Variants in BMPR1A observed in about 807,000 individuals in gnomAD.
BMPR1A encodes bone morphogenetic protein receptor type 1A, also known as bone morphogenetic protein receptor type-1A.
Under a neutral mutation model 66.0 loss-of-function variants are expected in BMPR1A, and 7 were observed. The ratio of observed to expected loss-of-function variants is 0.11; its 90% CI spans 0.06 to 0.20. BMPR1A has a LOEUF of 0.20. BMPR1A is among the 10% of genes least tolerant of loss of function. BMPR1A has a pLI of 1.00. For missense variants in BMPR1A, 408 were observed against 669.1 expected (o/e 0.61, Z 4.31); for synonymous variants, 200 against 229.7 (o/e 0.87, Z 1.17).
chr10:86,862,832 C>T (rs1842730380), intron 2 of BMPR1A, among the ~76,000 whole-genome samples: 1 of 151,812 alleles, frequency 6.6e-6, no homozygotes, highest in Non-Finnish European at 1.5e-5. Flanking sequence ...TAAGATTTTA[C>T]ACCAAGTAAA....
chr10:86,774,809 A>G (rs963974574), intron 1 of BMPR1A, among the ~76,000 whole-genome samples: 2 of 152,254 alleles, frequency 1.3e-5, no homozygotes, highest in African/African-American at 4.8e-5. Flanking sequence ...AAATAAATCT[A>G]AGGAGGAAAA....
chr10:86,760,236 C>CTT (rs1841025275), intron 1 of BMPR1A, among the ~76,000 whole-genome samples: 3 of 20,056 alleles, frequency 1.5e-4, no homozygotes, highest in African/African-American at 2.1e-4. Context: ...TTCTTTCTTT[C>CTT]TTTCTTTCTT....
intron 1 of BMPR1A, among the ~76,000 whole-genome samples, chr10:86,823,807 A>G (rs551440865): frequency 6.6e-6 from 1 of 152,268 alleles, no homozygotes; most frequent in Admixed American, 6.5e-5. Context: ...GTGAACTTGC[A>G]CTACTCCCTC....
At chr10:86,844,886 C>T (rs1465658031) in intron 2 of BMPR1A, among the ~76,000 whole-genome samples, 2 of 152,170 alleles carry the variant, frequency 1.3e-5, no homozygotes, top group African/African-American at 2.4e-5. Context: ...AAGTGGTTCT[C>T]CTGCCTCAGC....
intron 3 of BMPR1A, among the ~76,000 whole-genome samples, chr10:86,880,160 G>C (rs1842969248): frequency 6.6e-6 from 1 of 152,182 alleles, no homozygotes; most frequent in Non-Finnish European, 1.5e-5. Flanking sequence ...TGGAAGTACA[G>C]TTCCTGTAAA....
intron 2 of BMPR1A, among the ~76,000 whole-genome samples, chr10:86,870,602 T>C (rs1842843141): frequency 6.6e-6 from 1 of 151,992 alleles, no homozygotes; most frequent in Non-Finnish European, 1.5e-5. Context: ...TTTTTAAGTT[T>C]TTTGTACAGA....
chr10:86,870,691 T>C (rs556858440), intron 2 of BMPR1A, among the ~76,000 whole-genome samples: 59 of 152,252 alleles, frequency 3.9e-4, no homozygotes, highest in Non-Finnish European at 7.8e-4. Context: ...TCCAAAGTGC[T>C]GAGATTACAG....
intron 1 of BMPR1A, among the ~76,000 whole-genome samples, chr10:86,809,730 A>G (rs1040686453): frequency 1.1e-4 from 17 of 151,368 alleles, no homozygotes; most frequent in African/African-American, 3.9e-4. Context: ...GGTGTGAGCC[A>G]GGACGCCTAC....
chr10:86,884,274 C>G (rs1482764295), intron 3 of BMPR1A, among the ~76,000 whole-genome samples: 2 of 151,604 alleles, frequency 1.3e-5, no homozygotes, highest in African/African-American at 2.4e-5. Context: ...TTTGTAGAGA[C>G]CAGGTCTCAG....
At chr10:86,830,604 G>A (rs1325789757) in intron 1 of BMPR1A, among the ~76,000 whole-genome samples, 3 of 152,022 alleles carry the variant, frequency 2.0e-5, no homozygotes, top group Non-Finnish European at 2.9e-5. Flanking sequence ...CTTTTCATGC[G>A]CGTATTTGCC....
At chr10:86,871,131 CCTGA>C (rs1234701753) in intron 2 of BMPR1A, among the ~76,000 whole-genome samples, 1 of 152,298 alleles carries the variant, frequency 6.6e-6, no homozygotes, top group South Asian at 2.1e-4. Flanking sequence ...TCTTTCTTTG[CCTGA>C]CTGACTCTAT....
chr10:86,875,964 G>T lies in BMPR1A; in HGVS notation c.-55G>T. Reference sequence around the variant, plus strand: ...AATGATAGTCATTTAAATTGGTGAAGTAGCAAGACCAATTATTAAAGGTGA... The same window carrying T: ...AATGATAGTCATTTAAATTGGTGAATTAGCAAGACCAATTATTAAAGGTGA... On this transcript the variant is annotated 5_prime_UTR_variant, in exon 3 of 13. Coordinates refer to ENST00000372037, the MANE Select transcript of BMPR1A (RefSeq NM_004329.3). The T allele has an allele frequency of 1.4e-6, 2 of 1,418,486 alleles. No individual in the cohort carries two copies. The highest frequency in any genetic ancestry group is 9.9e-7 in the Non-Finnish European group (1 of 1,006,166). The allele number at this position is 1,418,486 out of a possible 1,614,324, so 87.9% of individuals were successfully genotyped here.
chr10:86,921,398 A>G (rs979744966), intron 10 of BMPR1A, 122 bp from the exon 11 acceptor site: 4 of 1,305,336 alleles, frequency 3.1e-6, no homozygotes, highest in Admixed American at 2.0e-5. Context: ...GAAAAATGCT[A>G]AATTCCACAA....
rs1384576414 is a variant in BMPR1A at position 86,794,381 on chromosome 10, T to TC, written c.-268+37462_-268+37463insC. On this transcript the variant is annotated intron_variant, in intron 1 of 12. Coordinates refer to ENST00000372037, the MANE Select transcript of BMPR1A (RefSeq NM_004329.3). ...TGTTTCTTCTTTGGTGAAATCAAGATAGTAATGCTTGTCTGTATGTACTGA... is the reference window on the plus strand; with the variant it reads ...TGTTTCTTCTTTGGTGAAATCAAGATCAGTAATGCTTGTCTGTATGTACTGA... Among the ~76,000 whole-genome samples the TC allele has an allele frequency of 8.8e-3, 1,344 of 152,296 alleles. 22 individuals are homozygous for TC. Among genetic ancestry groups the TC allele is most frequent in the African/African-American group, 0.03 (1,229 of 41,552 alleles).
chr10:86,871,211 AG>A (rs1474513164), intron 2 of BMPR1A, among the ~76,000 whole-genome samples: 1 of 152,276 alleles, frequency 6.6e-6, no homozygotes, highest in African/African-American at 2.4e-5. Flanking sequence ...TCTAGATTAG[AG>A]GGGGGTCACT....
In BMPR1A at chr10:86,791,423, A is replaced by T. The variant is rs527574974; in HGVS notation, c.-268+34504A>T. ...GAGACGGGGTTTCACCATGTTGGCC[A>T]GGCTGGTCTCAATCTCCTCACCTCG... On this transcript the variant is annotated intron_variant, in intron 1 of 12. Transcript: ENST00000372037. 1.2e-4 allele frequency among the ~76,000 whole-genome samples: 19 copies of T among 152,062 alleles called. No individual in the cohort carries two copies. In the East Asian group the frequency reaches 3.5e-3, roughly 28 times the overall value.
At chr10:86,812,537 T>C (rs1305760637) in intron 1 of BMPR1A, among the ~76,000 whole-genome samples, 1 of 152,234 alleles carries the variant, frequency 6.6e-6, no homozygotes, top group African/African-American at 2.4e-5. Flanking sequence ...TACCTAGGAA[T>C]GGGATTACCA....
intron 3 of BMPR1A, among the ~76,000 whole-genome samples, chr10:86,878,565 T>C (rs1345619690): frequency 6.6e-6 from 1 of 152,206 alleles, no homozygotes; most frequent in Non-Finnish European, 1.5e-5. Flanking sequence ...TTGCTGTACA[T>C]TCAGTTATTG....
In BMPR1A at chr10:86,900,071, T is replaced by C. The variant is rs767157505; in HGVS notation, c.475T>C (p.Ser159Pro). The C allele has an allele frequency of 6.2e-7, 1 of 1,614,178 alleles. No individual in the cohort carries two copies. The highest frequency in any genetic ancestry group is 1.1e-5 in the South Asian group (1 of 91,088). The change falls in exon 7 of 13, where the codon TCT becomes CCT. Residue 159 changes from serine to proline, a missense_variant. By Grantham distance (74) the Ser-to-Pro change is moderately conservative. Coordinates refer to ENST00000372037, the MANE Select transcript of BMPR1A (RefSeq NM_004329.3). ...CATTCGATGGCTGGTTTTGCTCATTTCTATGGCTGTCTGCATAATTGCTAT... is the reference window on the plus strand; with the variant it reads ...CATTCGATGGCTGGTTTTGCTCATTCCTATGGCTGTCTGCATAATTGCTAT... ...GSIRWLVLLI[S>P]MAVCIIAMII...
Sources: gnomAD v4.1 joint callset for allele counts (sites outside exome capture counted in the v4.1 genomes callset) on GRCh38, gnomAD v4.1.1 for gene constraint, MANE v1.5 for transcripts, NCBI Gene and HGNC (gene_info 2026-07-23, HGNC 2026-07-21) for gene names.